The following SYNE2 variants were observed in gnomAD, a reference collection of about 807,000 sequenced individuals.
SYNE2 encodes nesprin-2.
Under a neutral mutation model 856.3 loss-of-function variants are expected in SYNE2, and 431 were observed. The ratio of observed to expected loss-of-function variants is 0.50; its 90% CI spans 0.47 to 0.55. The LOEUF (loss-of-function observed/expected upper bound fraction) is 0.55. Ranked by LOEUF, SYNE2 falls within the 20% of genes least tolerant of loss-of-function variation. The probability of loss-of-function intolerance (pLI) is 0.00; values close to 1 mark genes in which losing one functional copy is unlikely to be tolerated. For synonymous variants in SYNE2, 2,923 were observed against 2,872.3 expected (o/e 1.02, Z -0.56); for missense variants, 8,129 against 8,023.2 (o/e 1.01, Z -0.50).
At chr14:64,001,222 A>G (rs1480077376) in intron 28 of SYNE2, among the ~76,000 whole-genome samples, 1 of 152,204 alleles carries the variant, frequency 6.6e-6, no homozygotes. Flanking sequence ...GGACCCCATT[A>G]TATTTGTAAT....
intron 22 of SYNE2, 36 bp downstream of exon 22, chr14:63,994,005 TA>T: frequency 1.2e-6 from 2 of 1,609,026 alleles, no homozygotes; most frequent in Non-Finnish European, 1.7e-6. Flanking sequence ...CTTACGTTTT[TA>T]TATGTCTGAT....
chr14:63,796,245 G>A (rs2139780747), intron 1 of SYNE2, among the ~76,000 whole-genome samples: 1 of 152,322 alleles, frequency 6.6e-6, no homozygotes, highest in South Asian at 2.1e-4. Flanking sequence ...CAGATCACAA[G>A]GTCAAGAATT....
At chr14:63,856,450 A>G (rs1433993416) in intron 1 of SYNE2, among the ~76,000 whole-genome samples, 2 of 152,192 alleles carry the variant, frequency 1.3e-5, no homozygotes, top group Non-Finnish European at 1.5e-5. Context: ...AAGACAAGCT[A>G]TTGCAGTATA....
At chr14:63,992,886 A>C (rs960321967) in intron 21 of SYNE2, among the ~76,000 whole-genome samples, 2 of 152,146 alleles carry the variant, frequency 1.3e-5, no homozygotes, top group African/African-American at 4.8e-5. Flanking sequence ...GCCGGTCCAT[A>C]AAAATGTGTA....
At chr14:63,862,128 G>T (rs192635929) in intron 1 of SYNE2, among the ~76,000 whole-genome samples, 1 of 152,138 alleles carries the variant, frequency 6.6e-6, no homozygotes, top group African/African-American at 2.4e-5. Context: ...TGCTAGAAAT[G>T]AATTTGAAAC....
At position 64,102,948 on chromosome 14, in the gene SYNE2, C is replaced by T. The variant is rs113901505; in HGVS notation, c.12492+906C>T. On this transcript the variant is annotated intron_variant, in intron 64 of 115. Coordinates refer to ENST00000555002, the MANE Select transcript of SYNE2 (RefSeq NM_182914.3). ...CTTATTTCATTTAACATAATGTCTT[C>T]CGGTTCATCCATATTGTCACAAATG... 3.0e-4 allele frequency among the ~76,000 whole-genome samples: 45 copies of T among 152,206 alleles called. 1 individual carries two copies. The highest frequency in any genetic ancestry group is 9.9e-4 in the African/African-American group (41 of 41,534).
intron 45 of SYNE2, among the ~76,000 whole-genome samples, chr14:64,034,837 A>G (rs1300651576): frequency 6.6e-6 from 1 of 152,046 alleles, no homozygotes; most frequent in East Asian, 1.9e-4. Context: ...GATATGGTAA[A>G]AAGTGAAGAC....
Position 64,052,493 on chromosome 14 carries a change from G to C in SYNE2, c.8580G>C (p.Arg2860Ser), listed in dbSNP as rs2097235007. ...AAAGTGAAACACTGATAATTCCCAGGGTGGAGACAGCTGCCACGGAAGCTG... is the reference window on the plus strand; with the variant it reads ...AAAGTGAAACACTGATAATTCCCAGCGTGGAGACAGCTGCCACGGAAGCTG... ...VQESETLIIP[R>S]VETAATEAEL... Residue 2860 changes from arginine to serine, a missense_variant, in exon 48 of 116, where the codon AGG (arginine) becomes AGC (serine). By Grantham distance (110) the Arg-to-Ser change is moderately radical. This residue lies in a region of SYNE2 where 5,410 missense variants were observed against 5,284.8 expected (regional missense o/e 1.02). Transcript: ENST00000555002. 1.2e-6 allele frequency: 2 copies of C among 1,613,872 alleles called. No homozygotes were observed. The highest frequency in any genetic ancestry group is 1.3e-5 in the African/African-American group (1 of 74,922).
chr14:64,216,114 C>G, intron 107 of SYNE2, 134 bp from the exon 108 acceptor site: 1 of 1,552,436 alleles, frequency 6.4e-7, no homozygotes, highest in Non-Finnish European at 8.7e-7. Flanking sequence ...CTGGGACATA[C>G]TGACATTTTG....
chr14:63,974,884 G>GTATATATATATATA (rs1261730365), intron 11 of SYNE2, among the ~76,000 whole-genome samples: 69 of 27,212 alleles, frequency 2.5e-3, no homozygotes, highest in South Asian at 4.5e-3. Context: ...GTGTGTGTGT[G>GTATATATATATATA]TGTGTGTGTA....
At chr14:63,880,283 G>A (rs2094828570) in intron 1 of SYNE2, among the ~76,000 whole-genome samples, 1 of 152,108 alleles carries the variant, frequency 6.6e-6, no homozygotes, top group Admixed American at 6.6e-5. Context: ...GTAGAGACAG[G>A]GTTTCGCCAT....
intron 57 of SYNE2, among the ~76,000 whole-genome samples, chr14:64,087,093 T>TTAAA (rs370560128): frequency 2.0e-5 from 2 of 98,426 alleles, no homozygotes; most frequent in African/African-American, 7.4e-5. Flanking sequence ...TGATAATTGG[T>TTAAA]AAAAAAAAAA....
intron 30 of SYNE2, among the ~76,000 whole-genome samples, chr14:64,004,191 ATTTTTT>A (rs35011962): frequency 2.9e-5 from 4 of 138,354 alleles, no homozygotes; most frequent in African/African-American, 1.1e-4. Context: ...TGCCTGGCTA[ATTTTTT>A]TTTTTTTTTT....
intron 1 of SYNE2, among the ~76,000 whole-genome samples, chr14:63,891,319 C>T (rs1027317220): frequency 2.6e-5 from 4 of 152,064 alleles, no homozygotes; most frequent in African/African-American, 9.7e-5. Context: ...GGCTTATATA[C>T]CAAAGGATGA....
chr14:64,220,828 T>C (rs1265051550), intron 111 of SYNE2, among the ~76,000 whole-genome samples, 191 bp downstream of exon 111: 1 of 152,252 alleles, frequency 6.6e-6, no homozygotes. Context: ...CTGTCCCAGG[T>C]CTCGTCTCTG....
intron 11 of SYNE2, among the ~76,000 whole-genome samples, chr14:63,976,181 G>A (rs1247355964): frequency 6.6e-6 from 1 of 152,232 alleles, no homozygotes; most frequent in Admixed American, 6.5e-5. Context: ...CTGTATGAAA[G>A]ATGTAGTGTC....
chr14:64,126,804 C>T lies in SYNE2; in HGVS notation c.13914C>T (p.Tyr4638=). ...CTGGCCTCGATTACAACCGCAGTTA[C>T]CAGGTATGATTCCGAGCACACAGCC... is the stretch of plus-strand genomic sequence containing the variant. The part of the protein sequence containing the change: ...LKAGLDYNRS[Y]QNEIKRLYHQ... The change falls in exon 73 of 116, where the codon TAC becomes TAT. Residue 4638 remains tyrosine (Y), a synonymous_variant. Transcript: ENST00000555002. The T allele has an allele frequency of 6.2e-7, 1 of 1,610,752 alleles. No homozygotes were observed. The highest frequency in any genetic ancestry group is 1.1e-5 in the South Asian group (1 of 91,090).
chr14:64,020,208 A>G (rs114405880), intron 35 of SYNE2, 115 bp downstream of exon 35: 19 of 746,068 alleles, frequency 2.5e-5, no homozygotes, highest in Non-Finnish European at 4.1e-5. Flanking sequence ...GAAGAAAAAA[A>G]CGGCCCAATT....
intron 1 of SYNE2, among the ~76,000 whole-genome samples, chr14:63,865,710 A>ACCCCCCCCC (rs1429490991): frequency 3.7e-5 from 1 of 27,108 alleles, no homozygotes; most frequent in Non-Finnish European, 8.4e-5. Context: ...AAAACTCTGT[A>ACCCCCCCCC]CCCACCCCCC....
Sources: gnomAD v4.1 joint callset for allele counts (sites outside exome capture counted in the v4.1 genomes callset) on GRCh38, gnomAD v4.1.1 for gene constraint, gnomAD v4.1.1 regional missense constraint, MANE v1.5 for transcripts, NCBI Gene and HGNC (gene_info 2026-07-23, HGNC 2026-07-21) for gene names.